The following CAPN1 variants were observed in gnomAD, a reference collection of about 807,000 sequenced individuals.
CAPN1 encodes calpain 1, also known as calpain-1 catalytic subunit.
Under a neutral mutation model 105.2 loss-of-function variants are expected in CAPN1, and 77 were observed. That is an observed-to-expected ratio of 0.73 (90% CI 0.61 to 0.88). The LOEUF is 0.88. Ranked by LOEUF, CAPN1 falls within the 40% of genes least tolerant of loss-of-function variation. The probability of loss-of-function intolerance (pLI) is 0.00; values close to 1 mark genes in which losing one functional copy is unlikely to be tolerated. For missense variants in CAPN1, 833 were observed against 976.6 expected, an observed-to-expected ratio of 0.85 and a Z score of 1.96; for synonymous variants, 355 against 388.8, an observed-to-expected ratio of 0.91 and a Z score of 1.02.
chr11:65,182,847 G>C lies in CAPN1; in HGVS notation c.146G>C (p.Cys49Ser), dbSNP rs1387033300. ...GATTATGAGCAGCTGCGGGTGCGAT[G>C]CCTGCAGAGTGGGACCCTCTTCCGT... ...GQDYEQLRVR[C>S]LQSGTLFRDE... Residue 49 changes from cysteine to serine, a missense_variant, in exon 2 of 22, where the codon TGC (cysteine) becomes TCC (serine). Transcript: ENST00000279247. The C allele has an allele frequency of 6.3e-7, 1 of 1,599,776 alleles. No homozygotes were observed. The highest frequency in any genetic ancestry group is 8.5e-7 in the Non-Finnish European group (1 of 1,173,578).
chr11:65,210,549 G>T lies in CAPN1; in HGVS notation c.2059+97G>T. 1.2e-6 allele frequency: 1 copy of T among 806,138 alleles called. No homozygotes were observed. The allele number at this position is 806,138 out of a possible 1,614,324, so 49.9% of individuals were successfully genotyped here. A position where few individuals can be genotyped will look rare whatever the true frequency, so the allele number is the denominator to read the frequency against. The stretch of plus-strand genomic sequence containing the variant: ...ACAGATGGGTGAATTAGCAGATACA[G>T]GCCAGTGCTGTGGGTGTGTGCCAGA... On this transcript the variant is annotated intron_variant, in intron 20 of 21. Transcript: ENST00000279247. This position sits in a 1 kb window ranked among gnomAD's most constrained non-coding sequence, Gnocchi z 4.3.
intron 7 of CAPN1, 193 bp from the exon 8 acceptor site, chr11:65,187,762 C>A: frequency 1.9e-6 from 1 of 521,758 alleles, no homozygotes; most frequent in Non-Finnish European, 3.5e-6. Context: ...TGGCAGGTGC[C>A]TGTAATTCCA....
intron 10 of CAPN1, among the ~76,000 whole-genome samples, chr11:65,195,100 G>GTTT (rs60778423): frequency 6.6e-5 from 6 of 90,900 alleles, no homozygotes; most frequent in Admixed American, 2.7e-4. Context: ...GTTTTTTGGG[G>GTTT]TTTTTTTTTT....
At position 65,182,829 on chromosome 11, in the gene CAPN1, A is replaced by G; in HGVS notation, c.128A>G (p.Glu43Gly). 1.3e-6 allele frequency: 2 copies of G among 1,595,818 alleles called. No individual in the cohort carries two copies. The highest frequency in any genetic ancestry group is 1.8e-5 in the Admixed American group (1 of 56,910). The stretch of plus-strand genomic sequence containing the variant: ...ATCAAGTACCTGGGCCAGGATTATG[A>G]GCAGCTGCGGGTGCGATGCCTGCAG... ...NAIKYLGQDY[E>G]QLRVRCLQSG... is the part of the protein sequence containing the mutation. The change falls in exon 2 of 22, where the codon GAG (glutamate) becomes GGG (glycine). Residue 43 changes from glutamate to glycine, a missense_variant. Glu to Gly is a moderately conservative substitution (Grantham distance 98). Coordinates refer to ENST00000279247, the MANE Select transcript of CAPN1 (RefSeq NM_005186.4).
At position 65,188,511 on chromosome 11, in the gene CAPN1, C is replaced by T; in HGVS notation, c.1004+23C>T. The T allele has an allele frequency of 6.2e-7, 1 of 1,612,690 alleles. No homozygotes were observed. Among genetic ancestry groups the T allele is most frequent in the South Asian group, 1.1e-5 (1 of 90,902 alleles). On this transcript the variant is annotated intron_variant, in intron 9 of 21. Transcript: ENST00000279247. This position sits in a 1 kb window ranked among gnomAD's most constrained non-coding sequence, Gnocchi z 5.5. ...CTGGTGAGCGCCCCCTCCCCTTCTA[C>T]CCCACCTCTCCACCCCTACACATCA...
Position 65,185,897 on chromosome 11 carries a change from A to C in CAPN1, c.457-20A>C, listed in dbSNP as rs776354796. 4 of 1,568,838 alleles carry C rather than the reference A, an allele frequency of 2.5e-6. No individual in the cohort carries two copies. Among genetic ancestry groups the C allele is most frequent in the Non-Finnish European group, 2.6e-6 (3 of 1,156,946 alleles). On this transcript the variant is annotated intron_variant, in intron 4 of 21. Transcript: ENST00000279247. Reference sequence around the variant, plus strand: ...CCGGGGGATTCCAAAGCAGGTACTCACCGTGCCCCTCCCCCACAGCTGTGG... The same window carrying C: ...CCGGGGGATTCCAAAGCAGGTACTCCCCGTGCCCCTCCCCCACAGCTGTGG...
chr11:65,182,554 C>A (rs975144746), intron 1 of CAPN1, 147 bp from the exon 2 acceptor site: 1 of 833,058 alleles, frequency 1.2e-6, no homozygotes, highest in Non-Finnish European at 1.8e-6. Flanking sequence ...GGCTGAGAAC[C>A]CTACTTCTGT....
At position 65,208,210 on chromosome 11, in the gene CAPN1, G is replaced by C. The variant is rs1384146192; in HGVS notation, c.1677G>C (p.Met559Ile). 1.3e-6 allele frequency: 2 copies of C among 1,582,126 alleles called. No individual in the cohort carries two copies. The highest frequency in any genetic ancestry group is 2.7e-5 in the African/African-American group (2 of 74,232). ...CACCTCCTCTCTCTCCCCAGGACAT[G>C]GAGATCAGCGTGAAGGAGTTGCGGA... The part of the protein sequence containing the change: ...ALFRQLAGED[M>I]EISVKELRTI... The change falls in exon 16 of 22, where the codon ATG (methionine) becomes ATC (isoleucine). Residue 559 changes from methionine to isoleucine, a missense_variant. Coordinates refer to ENST00000279247, the MANE Select transcript of CAPN1 (RefSeq NM_005186.4). The surrounding 1 kb of genome is among the most constrained non-coding windows in gnomAD (Gnocchi z 4.1).
At position 65,204,673 on chromosome 11, in the gene CAPN1, C is replaced by A. The variant is rs1436631359; in HGVS notation, c.1166-10C>A. ...CTGCCTCTGATCCCCGCCTCCTCAC[C>A]TGCCCGCAGCCACCTTCTGGGTGAA... is the stretch of plus-strand genomic sequence containing the variant. On this transcript the variant is annotated splice_polypyrimidine_tract_variant and intron_variant, in intron 10 of 21. Transcript: ENST00000279247. 1.9e-6 allele frequency: 3 copies of A among 1,604,376 alleles called. No individual in the cohort carries two copies. Among genetic ancestry groups the A allele is most frequent in the South Asian group, 1.1e-5 (1 of 90,950 alleles).
upstream of CAPN1, chr11:65,181,470 G>T: frequency 4.2e-6 from 1 of 238,042 alleles, no homozygotes. The surrounding 1 kb of genome is among the most constrained non-coding windows in gnomAD (Gnocchi z 4.6). Context: ...CGGTCGCGCG[G>T]AGCGAGGGGA....
intron 7 of CAPN1, 57 bp from the exon 8 acceptor site, chr11:65,187,898 G>GAA (rs111241548): frequency 2.3e-3 from 2,485 of 1,062,960 alleles, no homozygotes; most frequent in Non-Finnish European, 2.7e-3. Context: ...TCTCAAAAAA[G>GAA]AAAAAAAAAA....
At position 65,208,009 on chromosome 11, in the gene CAPN1, C is replaced by G. The variant is rs951814887; in HGVS notation, c.1606-46C>G. On this transcript the variant is annotated intron_variant, in intron 14 of 21. Coordinates refer to ENST00000279247, the MANE Select transcript of CAPN1 (RefSeq NM_005186.4). This position sits in a 1 kb window ranked among gnomAD's most constrained non-coding sequence, Gnocchi z 4.1. The stretch of plus-strand genomic sequence containing the variant: ...CTCCCTCCAGCTGCCTCCACACGGG[C>G]AGGGCCGGGGCCTCTCTTACCTGCT... 8 of 1,493,910 alleles carry G rather than the reference C, an allele frequency of 5.4e-6. No individual in the cohort carries two copies. The highest frequency in any genetic ancestry group is 7.3e-6 in the Non-Finnish European group (8 of 1,096,132). 92.5% of individuals were successfully genotyped at this position (1,493,910 alleles called of 1,614,324 possible). A position where few individuals can be genotyped will look rare whatever the true frequency, so the allele number is the denominator to read the frequency against.
intron 10 of CAPN1, among the ~76,000 whole-genome samples, chr11:65,193,668 CTT>C (rs1371021557): frequency 7.5e-6 from 1 of 133,764 alleles, no homozygotes. Context: ...AAAAAAAAGA[CTT>C]TTGACTTTGT....
chr11:65,203,490 GCTGGGA>G (rs1486120339), intron 10 of CAPN1: 20 of 152,580 alleles, frequency 1.3e-4, no homozygotes, highest in Admixed American at 1.2e-3. Context: ...CTCCCAAGTA[GCTGGGA>G]CTACAGGCAT....
rs145151461 is a variant in CAPN1 at position 65,194,064 on chromosome 11, C to T, written c.1165+5318C>T. On this transcript the variant is annotated intron_variant, in intron 10 of 21. Transcript: ENST00000279247. ...GCAACCTCCACCTCCTGGGTTTAAGCGATTCTCTTGCCTCAGCCTCCCAAG... is the reference window on the plus strand; with the variant it reads ...GCAACCTCCACCTCCTGGGTTTAAGTGATTCTCTTGCCTCAGCCTCCCAAG... 3.4e-5 allele frequency among the ~76,000 whole-genome samples: 5 copies of T among 145,014 alleles called. 1 individual carries two copies. Among genetic ancestry groups the T allele is most frequent in the African/African-American group, 1.0e-4 (4 of 39,202 alleles).
chr11:65,208,549 G>A lies in CAPN1; in HGVS notation c.1729+287G>A. 1 of 506,212 alleles carries A rather than the reference G, an allele frequency of 2.0e-6. No individual in the cohort carries two copies. Among genetic ancestry groups the A allele is most frequent in the South Asian group, 2.1e-5 (1 of 48,482 alleles). The allele number at this position is 506,212 out of a possible 1,614,324, so 31.4% of individuals were successfully genotyped here. On this transcript the variant is annotated intron_variant, in intron 16 of 21. Transcript: ENST00000279247. The surrounding 1 kb of genome is among the most constrained non-coding windows in gnomAD (Gnocchi z 4.1). The stretch of plus-strand genomic sequence containing the variant: ...AGTCCCAACACTCTGGGAGGCCGAG[G>A]CAGGAGTCGCTTCAGCCCAGGAGTT...
chr11:65,192,019 G>C (rs1234244404), intron 10 of CAPN1, among the ~76,000 whole-genome samples: 13 of 151,876 alleles, frequency 8.6e-5, no homozygotes, highest in Admixed American at 7.9e-4. Flanking sequence ...TATTAAAATG[G>C]TCCCAGGAAT....
chr11:65,182,575 G>A (rs1948555318), intron 1 of CAPN1, 126 bp from the exon 2 acceptor site: 11 of 1,025,204 alleles, frequency 1.1e-5, no homozygotes, highest in Non-Finnish European at 1.2e-5. Flanking sequence ...GAGGGGAGCA[G>A]TGAGGCAGGG....
In CAPN1 at chr11:65,188,279, G is replaced by T; in HGVS notation, c.930-135G>T. ...CCTGATGAGACCACCCCCTAGAAGC[G>T]GAACCTTGGCGCTTGACCTTGAGGA... is the stretch of plus-strand genomic sequence containing the variant. On this transcript the variant is annotated intron_variant, in intron 8 of 21. Transcript: ENST00000279247. The surrounding 1 kb of genome is among the most constrained non-coding windows in gnomAD (Gnocchi z 5.5). 1 of 793,674 alleles carries T rather than the reference G, an allele frequency of 1.3e-6. No homozygotes were observed. Among genetic ancestry groups the T allele is most frequent in the South Asian group, 1.7e-5 (1 of 57,452 alleles). 49.2% of individuals were successfully genotyped at this position (793,674 alleles called of 1,614,324 possible).
Sources: allele counts gnomAD v4.1 joint callset (sites outside exome capture counted in the v4.1 genomes callset), GRCh38; gene constraint gnomAD v4.1.1; non-coding constraint Gnocchi (gnomAD v3.1); transcripts MANE v1.5; gene names NCBI Gene and HGNC (gene_info 2026-07-23, HGNC 2026-07-21).